KIAA2012: variants seen among roughly 807,000 people sequenced by gnomAD.
The protein encoded by KIAA2012 is KIAA2012, also known as uncharacterized protein KIAA2012.
Under a neutral mutation model 150.6 loss-of-function variants are expected in KIAA2012, and 125 were observed. The observed-to-expected ratio is 0.83, with a 90% confidence interval of 0.72 to 0.96. The LOEUF is 0.96. Among genes scored for constraint, KIAA2012 ranks in the 40% least tolerant of loss-of-function variants. The pLI, the probability that KIAA2012 is intolerant of heterozygous loss-of-function variation, is 0.00. For missense variants in KIAA2012, 1,219 were observed against 1,354.9 expected, an observed-to-expected ratio of 0.90 and a Z score of 1.57; for synonymous variants, 462 against 504.7, an observed-to-expected ratio of 0.92 and a Z score of 1.13.
In KIAA2012 at chr2:202,193,345, G is replaced by C; in HGVS notation, c.2856G>C (p.Arg952Ser). 2 of 1,550,146 alleles carry C rather than the reference G, an allele frequency of 1.3e-6. No individual in the cohort carries two copies. Among genetic ancestry groups the C allele is most frequent in the Non-Finnish European group, 1.7e-6 (2 of 1,146,826 alleles). The change falls in exon 20 of 24, where the codon AGG (arginine) becomes AGC (serine). Residue 952 changes from arginine (R) to serine (S), a missense_variant. Physicochemically the swap from Arg to Ser is moderately radical, Grantham distance 110. Coordinates refer to ENST00000498697, the MANE Select transcript of KIAA2012 (RefSeq NM_001277372.4). ...KREQEKASWD[R>S]LRAERAEMRW... is the part of the protein sequence containing the mutation. ...AGCAGGAGAAGGCTTCCTGGGACAG[G>C]CTTCGAGCAGAAAGAGCCGAGATGA...
intron 11 of KIAA2012, chr2:202,115,530 A>G (rs2882485): frequency 0.43 from 64,602 of 151,988 alleles, 15,060 homozygotes; most frequent in South Asian, 0.57. Flanking sequence ...ATGTAGCCTC[A>G]GCCCCATTCC....
At chr2:202,109,551 T>C in intron 9 of KIAA2012, 62 bp from the exon 10 acceptor site, 1 of 1,410,696 alleles carries the variant, frequency 7.1e-7, no homozygotes, top group Non-Finnish European at 9.4e-7. Flanking sequence ...GAAGAGAGCT[T>C]CCTTCTCCTT....
chr2:202,076,816 T>C (rs1188614732), intron 2 of KIAA2012: 2 of 380,506 alleles, frequency 5.3e-6, no homozygotes, highest in Non-Finnish European at 1.0e-5. Context: ...GTGCTGGTCA[T>C]GGCCTGTTTG....
chr2:202,203,960 G>A (rs1043815513), intron 23 of KIAA2012, among the ~76,000 whole-genome samples: 4 of 151,980 alleles, frequency 2.6e-5, no homozygotes, highest in East Asian at 1.9e-4. Flanking sequence ...TAGTAGAGAC[G>A]GGGTTTCACC....
At chr2:202,124,856 G>C (rs186908312) in intron 11 of KIAA2012, among the ~76,000 whole-genome samples, 36 of 152,280 alleles carry the variant, frequency 2.4e-4, no homozygotes, top group Non-Finnish European at 3.1e-4. Flanking sequence ...GATCACTTGA[G>C]GTCGGGAGTC....
Position 202,109,228 on chromosome 2 carries a change from T to A in KIAA2012, c.1475-385T>A, listed in dbSNP as rs193297760. On this transcript the variant is annotated intron_variant, in intron 9 of 23. Coordinates refer to ENST00000498697, the MANE Select transcript of KIAA2012 (RefSeq NM_001277372.4). ...CCTTAGGACTAGGGTTGGAAGGAGTTTGCACCCTCTCCAGTCCTCCTTCCA... is the reference window on the plus strand; with the variant it reads ...CCTTAGGACTAGGGTTGGAAGGAGTATGCACCCTCTCCAGTCCTCCTTCCA... Among the ~76,000 whole-genome samples, 35 of 152,178 alleles carry A rather than the reference T, an allele frequency of 2.3e-4. No individual in the cohort carries two copies. The East Asian group carries it at 6.2e-3, about 27-fold the overall frequency.
chr2:202,163,579 AG>A (rs896667098), intron 14 of KIAA2012, among the ~76,000 whole-genome samples: 15 of 152,172 alleles, frequency 9.9e-5, no homozygotes, highest in Non-Finnish European at 1.6e-4. Context: ...CTGTGAAATG[AG>A]AAGATATTCC....
chr2:202,166,562 G>A (rs1691768272), intron 15 of KIAA2012, among the ~76,000 whole-genome samples: 1 of 151,862 alleles, frequency 6.6e-6, no homozygotes, highest in Non-Finnish European at 1.5e-5. Flanking sequence ...TGAGGCAGGA[G>A]GATCATTGGA....
intron 14 of KIAA2012, among the ~76,000 whole-genome samples, chr2:202,156,359 G>A (rs78060544): frequency 0.021 from 3,128 of 152,134 alleles, 110 homozygotes; most frequent in African/African-American, 0.07. Context: ...CTTCACTTAG[G>A]GCTGAGAGAA....
chr2:202,155,571 G>A (rs1691511073), intron 14 of KIAA2012, among the ~76,000 whole-genome samples: 1 of 152,212 alleles, frequency 6.6e-6, no homozygotes, highest in Non-Finnish European at 1.5e-5. Flanking sequence ...GCCTGGCATG[G>A]AAGGATCTCA....
At chr2:202,196,186 C>CTTTTTTTTTTTTT (rs869092899) in intron 21 of KIAA2012, among the ~76,000 whole-genome samples, 4 of 79,702 alleles carry the variant, frequency 5.0e-5, no homozygotes, top group Non-Finnish European at 7.0e-5. Context: ...CTTTTCTTTT[C>CTTTTTTTTTTTTT]TTTTTTTTTT....
intron 8 of KIAA2012, 95 bp from the exon 9 acceptor site, chr2:202,105,665 TG>T: frequency 6.9e-7 from 1 of 1,457,828 alleles, no homozygotes; most frequent in East Asian, 2.5e-5. Flanking sequence ...CCAAACCACA[TG>T]GTGTGAGCAG....
chr2:202,097,513 G>A lies in KIAA2012; in HGVS notation c.764G>A (p.Ser255Asn). ...DQGPLAKNHGSQGTRLPPRRK... is the reference protein window; with the variant it reads ...DQGPLAKNHGNQGTRLPPRRK... ...GGCCCTCTAGCCAAGAACCATGGCA[G>A]TCAGGGGACTCGCTTGCCACCACGC... The change falls in exon 5 of 24, where the codon AGT becomes AAT. Residue 255 changes from serine to asparagine, a missense_variant. Transcript: ENST00000498697. The A allele has an allele frequency of 6.4e-7, 1 of 1,550,508 alleles. No homozygotes were observed. Among genetic ancestry groups the A allele is most frequent in the Non-Finnish European group, 8.7e-7 (1 of 1,146,976 alleles).
intron 14 of KIAA2012, among the ~76,000 whole-genome samples, chr2:202,160,678 C>T (rs139345971): frequency 7.0e-4 from 106 of 152,194 alleles, no homozygotes; most frequent in Middle Eastern, 3.4e-3. Flanking sequence ...AGTTATACTA[C>T]CTTGAAGTTG....
At chr2:202,129,221 A>AT (rs201747950) in intron 12 of KIAA2012, among the ~76,000 whole-genome samples, 53,940 of 144,510 alleles carry the variant, frequency 0.37, 10,215 homozygotes, top group East Asian at 0.59. Context: ...AAGTTTCACA[A>AT]TTTTTTTTTT....
Position 202,099,698 on chromosome 2 carries a change from T to C in KIAA2012, c.914T>C (p.Phe305Ser). The stretch of plus-strand genomic sequence containing the variant: ...ACACAGCAAACCTCCAGGAAGGCCT[T>C]TGGGCATGGCCGCATCGATCACTCT... ...EKTQQTSRKA[F>S]GHGRIDHSWL... The change falls in exon 6 of 24, where the codon TTT (phenylalanine) becomes TCT (serine). Residue 305 changes from phenylalanine (F) to serine (S), a missense_variant. By Grantham distance (155) the Phe-to-Ser change is radical. Coordinates refer to ENST00000498697, the MANE Select transcript of KIAA2012 (RefSeq NM_001277372.4). 2 of 1,550,604 alleles carry C rather than the reference T, an allele frequency of 1.3e-6. No homozygotes were observed. The highest frequency in any genetic ancestry group is 1.4e-5 in the African/African-American group (1 of 73,166).
chr2:202,082,252 G>A (rs1233149062), intron 2 of KIAA2012, among the ~76,000 whole-genome samples: 1 of 152,100 alleles, frequency 6.6e-6, no homozygotes, highest in Non-Finnish European at 1.5e-5. Flanking sequence ...CACTCTGGGA[G>A]GCTGAGGCAG....
intron 9 of KIAA2012, among the ~76,000 whole-genome samples, chr2:202,106,653 C>T (rs2105925314): frequency 6.6e-6 from 1 of 152,036 alleles, no homozygotes; most frequent in East Asian, 1.9e-4. Flanking sequence ...TGCCACTGCA[C>T]TCCAGCCTGG....
At chr2:202,095,495 C>T (rs1260817534) in intron 4 of KIAA2012, among the ~76,000 whole-genome samples, 1 of 152,206 alleles carries the variant, frequency 6.6e-6, no homozygotes, top group African/African-American at 2.4e-5. Context: ...GAGGACAGAG[C>T]TACTCCAATG....
Sources: gnomAD v4.1 joint callset for allele counts (sites outside exome capture counted in the v4.1 genomes callset) on GRCh38, gnomAD v4.1.1 for gene constraint, MANE v1.5 for transcripts, NCBI Gene and HGNC (gene_info 2026-07-23, HGNC 2026-07-21) for gene names.